The following DMBX1 variants were observed in gnomAD, a reference collection of about 807,000 sequenced individuals.
The protein encoded by DMBX1 is diencephalon/mesencephalon homeobox 1.
In DMBX1, 7 loss-of-function variants were observed where a neutral mutation model predicts 30.4. That is an observed-to-expected ratio of 0.23 (90% CI 0.13 to 0.43). The LOEUF (loss-of-function observed/expected upper bound fraction) is 0.43, where lower values mean the gene tolerates loss of function less well. Ranked by LOEUF, DMBX1 falls within the 20% of genes least tolerant of loss-of-function variation. The pLI is 1.00. For synonymous variants in DMBX1, 222 were observed against 214.2 expected (o/e 1.04, Z -0.32); for missense variants, 460 against 508.5 (o/e 0.90, Z 0.92).
At chr1:46,506,057 T>TTTTTTAA (rs111796873) in intron 2 of DMBX1, among the ~76,000 whole-genome samples, 1,684 of 150,584 alleles carry the variant, frequency 0.011, 18 homozygotes, top group Non-Finnish European at 0.017. Flanking sequence ...CTCATTTCTT[T>TTTTTTAA]TTTTTATTTT....
rs1205162568 is a variant in DMBX1 at position 46,491,048 on chromosome 1, C to T, written c.-13+265C>T. The stretch of plus-strand genomic sequence containing the variant: ...GGGGCCCTGATGGACTGTGCAGGGT[C>T]CCGGGCACCACCGGCTGAACTTTCT... On this transcript the variant is annotated intron_variant, in intron 2 of 5. Coordinates refer to ENST00000360032, the MANE Select transcript of DMBX1 (RefSeq NM_172225.2). This position sits in a 1 kb window ranked among gnomAD's most constrained non-coding sequence, Gnocchi z 5.5. Among the ~76,000 whole-genome samples, 1 of 152,162 alleles carries T rather than the reference C, an allele frequency of 6.6e-6. No homozygotes were observed. Among genetic ancestry groups the T allele is most frequent in the Non-Finnish European group, 1.5e-5 (1 of 68,024 alleles).
rs1343723452 is a variant in DMBX1 at position 46,515,016 on chromosome 1, C to G, written c.*2522C>G. Among the ~76,000 whole-genome samples the G allele has an allele frequency of 6.6e-6, 1 of 152,062 alleles. No homozygotes were observed. The highest frequency in any genetic ancestry group is 1.5e-5 in the Non-Finnish European group (1 of 68,010). ...CCTGGAATCCAGGCTAAAGACCACA[C>G]CTACATGTGGCAAGCACCAAGACAG... On this transcript the variant is annotated 3_prime_UTR_variant, in exon 6 of 6. Transcript: ENST00000360032.
chr1:46,507,436 C>T (rs543564257), intron 3 of DMBX1, among the ~76,000 whole-genome samples: 2 of 152,202 alleles, frequency 1.3e-5, no homozygotes, highest in South Asian at 4.1e-4. Flanking sequence ...TTCATTAGCC[C>T]TATCTCACAG....
At chr1:46,502,866 C>A (rs960169830) in intron 2 of DMBX1, among the ~76,000 whole-genome samples, 2 of 152,078 alleles carry the variant, frequency 1.3e-5, no homozygotes, top group Non-Finnish European at 2.9e-5. Context: ...GGAGACACAG[C>A]GAGACCCTGT....
intron 2 of DMBX1, among the ~76,000 whole-genome samples, chr1:46,498,803 A>G (rs753514746): frequency 1.1e-4 from 16 of 152,240 alleles, no homozygotes; most frequent in Non-Finnish European, 2.4e-4. Context: ...GCTGTGTGGT[A>G]CCACATGTGT....
At position 46,514,554 on chromosome 1, in the gene DMBX1, G is replaced by A. The variant is rs964381102; in HGVS notation, c.*2060G>A. ...GATTTGATCTTGAGTTCCAGTGCCA[G>A]CCTCTGGAGTCACTCCATTTTCATA... is the stretch of plus-strand genomic sequence containing the variant. On this transcript the variant is annotated 3_prime_UTR_variant, in exon 6 of 6. Transcript: ENST00000360032. Among the ~76,000 whole-genome samples, 5 of 152,162 alleles carry A rather than the reference G, an allele frequency of 3.3e-5. No homozygotes were observed. Among genetic ancestry groups the A allele is most frequent in the Non-Finnish European group, 5.9e-5 (4 of 68,036 alleles).
chr1:46,511,869 C>T (rs1224049500), intron 5 of DMBX1, among the ~76,000 whole-genome samples, 174 bp from the exon 6 acceptor site: 2 of 152,168 alleles, frequency 1.3e-5, no homozygotes, highest in East Asian at 3.8e-4. Flanking sequence ...TCCCTTTCTC[C>T]TAGGATTCTG....
At position 46,510,965 on chromosome 1, in the gene DMBX1, C is replaced by T. The variant is rs559253626; in HGVS notation, c.364C>T (p.Arg122Trp). The T allele has an allele frequency of 1.1e-5, 18 of 1,609,584 alleles. No individual in the cohort carries two copies. The highest frequency in any genetic ancestry group is 4.5e-5 in the East Asian group (2 of 44,794). ...GTTCAAGAACCGCCGGGCCAAGTTCCGGAAGAAGCAGCGTAGCCTGCAGAA... is the reference window on the plus strand; with the variant it reads ...GTTCAAGAACCGCCGGGCCAAGTTCTGGAAGAAGCAGCGTAGCCTGCAGAA... ...VWFKNRRAKFRKKQRSLQKEQ... is the reference protein window; with the variant it reads ...VWFKNRRAKFWKKQRSLQKEQ... Residue 122 changes from arginine to tryptophan, a missense_variant, in exon 5 of 6, where the codon CGG becomes TGG. Transcript: ENST00000360032. This position sits in a 1 kb window ranked among gnomAD's most constrained non-coding sequence, Gnocchi z 4.1.
intron 2 of DMBX1, 68 bp from the exon 3 acceptor site, chr1:46,506,931 G>A: frequency 1.3e-6 from 2 of 1,560,770 alleles, no homozygotes; most frequent in South Asian, 1.2e-5. Context: ...CTGGACTGGG[G>A]GTGGGTCTCC....
In DMBX1 at chr1:46,510,907, C is replaced by T; in HGVS notation, c.334-28C>T. ...ACCAACCCCACTTCTTTCTTGCCCA[C>T]CTCGGACTGCTCCTTTCCCGTCCCC... On this transcript the variant is annotated intron_variant, in intron 4 of 5. Transcript: ENST00000360032. The surrounding 1 kb of genome is among the most constrained non-coding windows in gnomAD (Gnocchi z 4.1). 3 of 1,562,038 alleles carry T rather than the reference C, an allele frequency of 1.9e-6. No individual in the cohort carries two copies. The highest frequency in any genetic ancestry group is 2.6e-6 in the Non-Finnish European group (3 of 1,153,624).
At position 46,510,786 on chromosome 1, in the gene DMBX1, A is replaced by G. The variant is rs1354631053; in HGVS notation, c.333+132A>G. ...TCTCTCCATCAAAGCCTTCAGTGAT[A>G]GGAGGGGAGTTTGGGAAGGGACAGA... On this transcript the variant is annotated intron_variant, in intron 4 of 5. Coordinates refer to ENST00000360032, the MANE Select transcript of DMBX1 (RefSeq NM_172225.2). The surrounding 1 kb of genome is among the most constrained non-coding windows in gnomAD (Gnocchi z 4.1). 7.4e-6 allele frequency: 10 copies of G among 1,359,452 alleles called. No homozygotes were observed. The highest frequency in any genetic ancestry group is 9.9e-6 in the Non-Finnish European group (10 of 1,009,496). The allele number at this position is 1,359,452 out of a possible 1,614,324, so 84.2% of individuals were successfully genotyped here. A position where few individuals can be genotyped will look rare whatever the true frequency, so the allele number is the denominator to read the frequency against.
At position 46,507,020 on chromosome 1, in the gene DMBX1, T is replaced by G; in HGVS notation, c.10T>G (p.Tyr4Asp). ...GTAGGCGGATGCCGCCATGCAGCAC[T>G]ACGGGGTGAACGGCTACTCACTGCA... MQH[Y>D]GVNGYSLHAM... The change falls in exon 3 of 6, where the codon TAC (tyrosine) becomes GAC (aspartate). Residue 4 changes from tyrosine to aspartate, a missense_variant. Coordinates refer to ENST00000360032, the MANE Select transcript of DMBX1 (RefSeq NM_172225.2). 2 of 1,614,186 alleles carry G rather than the reference T, an allele frequency of 1.2e-6. No individual in the cohort carries two copies. The highest frequency in any genetic ancestry group is 2.2e-5 in the South Asian group (2 of 91,084).
At chr1:46,498,029 C>A (rs1666057124) in intron 2 of DMBX1, among the ~76,000 whole-genome samples, 2 of 152,164 alleles carry the variant, frequency 1.3e-5, no homozygotes. Context: ...TGCAGGGCCT[C>A]TGTTTAGAGG....
At chr1:46,511,615 T>G (rs1392798593) in intron 5 of DMBX1, among the ~76,000 whole-genome samples, 1 of 152,104 alleles carries the variant, frequency 6.6e-6, no homozygotes, top group Non-Finnish European at 1.5e-5. Flanking sequence ...TACCAGAGAT[T>G]CCCACGTGCA....
At chr1:46,506,088 C>T (rs142384735) in intron 2 of DMBX1, among the ~76,000 whole-genome samples, 397 of 151,650 alleles carry the variant, frequency 2.6e-3, no homozygotes, top group African/African-American at 9.0e-3. Context: ...GACAGGGTCT[C>T]GCTCTGTCGC....
intron 2 of DMBX1, among the ~76,000 whole-genome samples, chr1:46,505,063 C>T (rs1457618171): frequency 6.6e-6 from 1 of 150,386 alleles, no homozygotes; most frequent in Non-Finnish European, 1.5e-5. Context: ...CCATCTCACA[C>T]CAGTTAGAAT....
Position 46,512,231 on chromosome 1 carries a change from G to A in DMBX1, c.871G>A (p.Ala291Thr), listed in dbSNP as rs141010936. 60 of 1,613,704 alleles carry A rather than the reference G, an allele frequency of 3.7e-5. No homozygotes were observed. The African/African-American group carries it at 5.6e-4, about 15-fold the overall frequency. Residue 291 changes from alanine to threonine, a missense_variant, in exon 6 of 6, where the codon GCA becomes ACA. Physicochemically the swap from Ala to Thr is moderately conservative, Grantham distance 58. This residue lies in a region of DMBX1 where 334 missense variants were observed against 345.1 expected (regional missense o/e 0.97). Coordinates refer to ENST00000360032, the MANE Select transcript of DMBX1 (RefSeq NM_172225.2). This position sits in a 1 kb window ranked among gnomAD's most constrained non-coding sequence, Gnocchi z 4.8. ...AGTAGGGGGTCCGGCCCCTGCTGCT[G>A]CAGCGGCGGCTGCTGCTGTGCCCTA... ...FEVGGPAPAA[A>T]AAAAAVPYLG...
intron 2 of DMBX1, among the ~76,000 whole-genome samples, chr1:46,492,377 C>T (rs143249074): frequency 2.6e-5 from 4 of 152,362 alleles, no homozygotes; most frequent in South Asian, 2.1e-4. Context: ...CACACACCCA[C>T]GCACACACTG....
In DMBX1 at chr1:46,506,873, T is replaced by A. The variant is rs937154768; in HGVS notation, c.-12-126T>A. 3 of 1,079,580 alleles carry A rather than the reference T, an allele frequency of 2.8e-6. No homozygotes were observed. In the African/African-American group the frequency reaches 4.8e-5, roughly 17 times the overall value. The allele number at this position is 1,079,580 out of a possible 1,614,324, so 66.9% of individuals were successfully genotyped here. Reference sequence around the variant, plus strand: ...TAAGCCACGGGCAAGACAGGCTCCCTTCCGATGGAGGGAGCTTCTGACCCA... The same window carrying A: ...TAAGCCACGGGCAAGACAGGCTCCCATCCGATGGAGGGAGCTTCTGACCCA... On this transcript the variant is annotated intron_variant, in intron 2 of 5. Transcript: ENST00000360032.
Sources: allele counts gnomAD v4.1 joint callset (sites outside exome capture counted in the v4.1 genomes callset), GRCh38; gene constraint gnomAD v4.1.1; regional missense constraint gnomAD v4.1.1; non-coding constraint Gnocchi (gnomAD v3.1); transcripts MANE v1.5; gene names NCBI Gene and HGNC (gene_info 2026-07-23, HGNC 2026-07-21).